ST6GALNAC3: variants seen among roughly 807,000 people sequenced by gnomAD.
ST6GALNAC3 encodes ST6 N-acetylgalactosaminide alpha-2,6-sialyltransferase 3, also known as alpha-N-acetylgalactosaminide alpha-2,6-sialyltransferase 3.
In ST6GALNAC3, 25 loss-of-function variants were observed where a neutral mutation model predicts 32.7. The observed-to-expected ratio is 0.76, with a 90% CI of 0.56 to 1.07. ST6GALNAC3 has a LOEUF of 1.07. Among genes scored for constraint, ST6GALNAC3 ranks in the 50% least tolerant of loss-of-function variants. The pLI, the probability that ST6GALNAC3 is intolerant of heterozygous loss-of-function variation, is 0.00. For synonymous variants in ST6GALNAC3, 129 were observed against 133.1 expected, an observed-to-expected ratio of 0.97 and a Z score of 0.21; for missense variants, 355 against 382.4, an observed-to-expected ratio of 0.93 and a Z score of 0.60.
intron 3 of ST6GALNAC3, among the ~76,000 whole-genome samples, chr1:76,549,498 G>A (rs1164506410): frequency 6.6e-6 from 1 of 151,322 alleles, no homozygotes; most frequent in Non-Finnish European, 1.5e-5. Flanking sequence ...TTACCTTTTT[G>A]GTCTATTTGT....
At chr1:76,113,779 C>A (rs575238944) in intron 1 of ST6GALNAC3, among the ~76,000 whole-genome samples, 1 of 152,056 alleles carries the variant, frequency 6.6e-6, no homozygotes, top group Admixed American at 6.5e-5. Context: ...AATTCTGAGA[C>A]AAGTAACTCC....
chr1:76,540,717 A>G (rs549129440), intron 3 of ST6GALNAC3, among the ~76,000 whole-genome samples: 41 of 152,284 alleles, frequency 2.7e-4, no homozygotes, highest in African/African-American at 8.9e-4. Flanking sequence ...TTAATTAAAG[A>G]AGATAATATT....
chr1:76,196,167 G>A (rs139046400), intron 1 of ST6GALNAC3, among the ~76,000 whole-genome samples: 16 of 152,266 alleles, frequency 1.1e-4, no homozygotes, highest in Non-Finnish European at 2.2e-4. Flanking sequence ...TGTGAAAATG[G>A]AGTTTTGCTC....
intron 3 of ST6GALNAC3, among the ~76,000 whole-genome samples, chr1:76,520,416 G>GA: frequency 6.6e-6 from 1 of 152,028 alleles, no homozygotes; most frequent in African/African-American, 2.4e-5. Context: ...AGCAAACATT[G>GA]AGGTCAGCTG....
intron 1 of ST6GALNAC3, among the ~76,000 whole-genome samples, chr1:76,127,618 T>C (rs1649338019): frequency 6.6e-6 from 1 of 152,220 alleles, no homozygotes; most frequent in African/African-American, 2.4e-5. Context: ...CATGGATCTC[T>C]TGCCATGATC....
chr1:76,094,422 A>C (rs1647095145), intron 1 of ST6GALNAC3, among the ~76,000 whole-genome samples: 1 of 152,200 alleles, frequency 6.6e-6, no homozygotes, highest in African/African-American at 2.4e-5. Flanking sequence ...AGTGCTAGGC[A>C]TGATTTAGTC....
chr1:76,166,009 A>C (rs1570274364), intron 1 of ST6GALNAC3, among the ~76,000 whole-genome samples: 1 of 152,164 alleles, frequency 6.6e-6, no homozygotes, highest in East Asian at 1.9e-4. Flanking sequence ...GAAGATCTTT[A>C]GTTTAATTAG....
At chr1:76,587,247 G>A (rs1461412313) in intron 3 of ST6GALNAC3, among the ~76,000 whole-genome samples, 2 of 152,186 alleles carry the variant, frequency 1.3e-5, no homozygotes, top group South Asian at 4.1e-4. Flanking sequence ...GACTCACTTT[G>A]GGAGGTGGAA....
chr1:76,085,926 T>C (rs1646958514), intron 1 of ST6GALNAC3, among the ~76,000 whole-genome samples: 1 of 152,214 alleles, frequency 6.6e-6, no homozygotes, highest in African/African-American at 2.4e-5. Context: ...AATAATTTGA[T>C]TTCTGCCTTC....
intron 3 of ST6GALNAC3, among the ~76,000 whole-genome samples, chr1:76,572,672 A>G (rs1233378198): frequency 6.6e-6 from 1 of 152,156 alleles, no homozygotes; most frequent in Non-Finnish European, 1.5e-5. Flanking sequence ...GCAATGCTGT[A>G]TGTGTAATCA....
intron 3 of ST6GALNAC3, among the ~76,000 whole-genome samples, chr1:76,590,402 A>T (rs170260): frequency 0.17 from 25,911 of 152,126 alleles, 3,080 homozygotes; most frequent in African/African-American, 0.34. Context: ...ATTACTTTTT[A>T]AAAATATTTC....
chr1:76,443,079 G>T (rs1656729409), intron 3 of ST6GALNAC3, among the ~76,000 whole-genome samples: 4 of 152,136 alleles, frequency 2.6e-5, no homozygotes, highest in Admixed American at 2.6e-4. Context: ...TTTGAAGTCT[G>T]GGAGGAGCAC....
chr1:76,520,593 G>A lies in ST6GALNAC3; in HGVS notation c.624-106859G>A, dbSNP rs1342489748. The stretch of plus-strand genomic sequence containing the variant: ...CTTGTGCTTATTTGTGGTTCATCTG[G>A]AAAAAATTACTTACTTTGGAGGCTC... On this transcript the variant is annotated intron_variant, in intron 3 of 4. Coordinates refer to ENST00000328299, the MANE Select transcript of ST6GALNAC3 (RefSeq NM_152996.4). 4.6e-5 allele frequency among the ~76,000 whole-genome samples: 7 copies of A among 151,824 alleles called. No individual in the cohort carries two copies. In the East Asian group the frequency reaches 7.7e-4, roughly 17 times the overall value.
At chr1:76,462,738 T>C (rs1185148051) in intron 3 of ST6GALNAC3, among the ~76,000 whole-genome samples, 1 of 152,160 alleles carries the variant, frequency 6.6e-6, no homozygotes, top group Non-Finnish European at 1.5e-5. Context: ...TTAAGATGGA[T>C]AGATAGAGAA....
At chr1:76,191,934 G>C (rs1428441410) in intron 1 of ST6GALNAC3, among the ~76,000 whole-genome samples, 4 of 152,098 alleles carry the variant, frequency 2.6e-5, no homozygotes, top group African/African-American at 7.2e-5. Context: ...GCATAAAGGG[G>C]CAGACCTGGT....
intron 1 of ST6GALNAC3, among the ~76,000 whole-genome samples, chr1:76,174,661 TTC>T (rs2100434811): frequency 1.4e-5 from 1 of 69,274 alleles, no homozygotes; most frequent in South Asian, 7.1e-4. Flanking sequence ...TCTTTTTCTT[TTC>T]TTTTTTTTTT....
chr1:76,256,138 T>C (rs1230509079), intron 1 of ST6GALNAC3, among the ~76,000 whole-genome samples: 4 of 152,034 alleles, frequency 2.6e-5, no homozygotes, highest in African/African-American at 9.7e-5. Context: ...TTAAACTAGT[T>C]TAAAAATATA....
At chr1:76,381,926 T>G (rs756976270) in intron 2 of ST6GALNAC3, among the ~76,000 whole-genome samples, 1 of 152,078 alleles carries the variant, frequency 6.6e-6, no homozygotes, top group Admixed American at 6.5e-5. Context: ...CCAAGAAGAA[T>G]GCAGTAGTTT....
Position 76,631,747 on chromosome 1 carries a change from G to C in ST6GALNAC3, c.*2941G>C, listed in dbSNP as rs1423808515. 6.6e-6 allele frequency: 1 copy of C among 151,964 alleles called. No homozygotes were observed. The highest frequency in any genetic ancestry group is 1.9e-4 in the East Asian group (1 of 5,184). 9.4% of individuals were successfully genotyped at this position (151,964 alleles called of 1,614,324 possible). A position where few individuals can be genotyped will look rare whatever the true frequency, so the allele number is the denominator to read the frequency against. Reference sequence around the variant, plus strand: ...TTCTTGGAAAATGAACTATAAAAAAGGGTCACAATTTTTCTGAAATTGGCA... The same window carrying C: ...TTCTTGGAAAATGAACTATAAAAAACGGTCACAATTTTTCTGAAATTGGCA... On this transcript the variant is annotated 3_prime_UTR_variant, in exon 5 of 5. Transcript: ENST00000328299.
Sources: allele counts gnomAD v4.1 joint callset (sites outside exome capture counted in the v4.1 genomes callset), GRCh38; gene constraint gnomAD v4.1.1; transcripts MANE v1.5; gene names NCBI Gene and HGNC (gene_info 2026-07-23, HGNC 2026-07-21).